Variants in ZXDC observed in about 807,000 individuals in gnomAD.
The protein encoded by ZXDC is zinc finger protein ZXDC.
Under a neutral mutation model 63.6 loss-of-function variants are expected in ZXDC, and 58 were observed. The observed-to-expected ratio is 0.91, with a 90% CI of 0.74 to 1.13. The LOEUF (loss-of-function observed/expected upper bound fraction) is 1.13, where lower values mean the gene tolerates loss of function less well. Ranked by LOEUF, ZXDC falls within the 50% of genes most tolerant of loss-of-function variation. The pLI, the probability that ZXDC is intolerant of heterozygous loss-of-function variation, is 0.00. For synonymous variants in ZXDC, 561 were observed against 496.1 expected, an observed-to-expected ratio of 1.13 and a Z score of -1.74; for missense variants, 1,133 against 1,148.9, an observed-to-expected ratio of 0.99 and a Z score of 0.20.
chr3:126,439,791 C>T, intron 8 of ZXDC, 64 bp from the exon 9 acceptor site: 2 of 1,500,794 alleles, frequency 1.3e-6, no homozygotes, highest in South Asian at 1.3e-5. Flanking sequence ...GTCCTCGTCT[C>T]ACCTGAGAAG....
chr3:126,466,251 G>A lies in ZXDC; in HGVS notation c.1345C>T (p.Pro449Ser). 1 of 1,614,244 alleles carries A rather than the reference G, an allele frequency of 6.2e-7. No homozygotes were observed. The highest frequency in any genetic ancestry group is 8.5e-7 in the Non-Finnish European group (1 of 1,180,050). ...GTAGAAACTGGGCAACGGCTTTTCG[G>A]AGCACCCACATCCTGCACGTGTTTC... ...SKKHVQDVGA[P>S]KSRCPVSTCN... Residue 449 changes from proline to serine, a missense_variant, in exon 5 of 10, where the codon CCG becomes TCG. Coordinates refer to ENST00000389709, the MANE Select transcript of ZXDC (RefSeq NM_025112.5).
At chr3:126,443,812 T>G (rs1194645273) in intron 7 of ZXDC, among the ~76,000 whole-genome samples, 2 of 152,212 alleles carry the variant, frequency 1.3e-5, no homozygotes, top group African/African-American at 4.8e-5. Context: ...TTTGAACTGT[T>G]ACAACTGCAA....
intron 3 of ZXDC, 48 bp from the exon 4 acceptor site, chr3:126,471,073 C>T: frequency 1.9e-6 from 3 of 1,592,890 alleles, no homozygotes; most frequent in Non-Finnish European, 1.7e-6. Flanking sequence ...CACAACTCAC[C>T]ATAATTCTTT....
rs1027630984 is a variant in ZXDC at position 126,439,640 on chromosome 3, C to A, written c.2482G>T (p.Val828Phe). The part of the protein sequence containing the change: ...PFLTVDLPVY[V>F]LQEVLPSSGG... ...CAGTAAGGCATCCAGACCTGGAGGA[C>A]GTAGACGGGCAGGTCCACAGTGAGG... The change falls in exon 9 of 10, where the codon GTC (valine) becomes TTC (phenylalanine). Residue 828 changes from valine (V) to phenylalanine (F), a missense_variant. Physicochemically the swap from Val to Phe is conservative, Grantham distance 50 (BLOSUM62 -1). Coordinates refer to ENST00000389709, the MANE Select transcript of ZXDC (RefSeq NM_025112.5). The A allele has an allele frequency of 3.9e-6, 6 of 1,553,216 alleles. No homozygotes were observed. The highest frequency in any genetic ancestry group is 5.2e-6 in the Non-Finnish European group (6 of 1,147,724).
chr3:126,454,070 T>TC (rs201416806), intron 7 of ZXDC: 16,696 of 831,588 alleles, frequency 0.02, 187 homozygotes, highest in South Asian at 0.028. Context: ...ATATATTTTT[T>TC]TTTTTGGTAA....
At chr3:126,473,788 G>A (rs572535503) in intron 1 of ZXDC, among the ~76,000 whole-genome samples, 1 of 152,144 alleles carries the variant, frequency 6.6e-6, no homozygotes, top group East Asian at 1.9e-4. Context: ...TACAGGTTAG[G>A]GGCATGCTAG....
chr3:126,438,612 G>C (rs934508599), intron 9 of ZXDC, 151 bp from the exon 10 acceptor site: 7 of 615,068 alleles, frequency 1.1e-5, no homozygotes, highest in Non-Finnish European at 1.9e-5. Context: ...CTAAACACAT[G>C]TTCTTTGATG....
chr3:126,453,942 G>C (rs1051250637), intron 7 of ZXDC: 42 of 982,986 alleles, frequency 4.3e-5, no homozygotes, highest in Non-Finnish European at 4.7e-5. Context: ...AACATATTAT[G>C]ATCAGAAAAC....
At position 126,459,644 on chromosome 3, in the gene ZXDC, C is replaced by T. The variant is rs777520124; in HGVS notation, c.2212+9G>A. 5.5e-5 allele frequency: 89 copies of T among 1,614,026 alleles called. No individual in the cohort carries two copies. In the East Asian group the frequency reaches 9.6e-4, roughly 17 times the overall value. On this transcript the variant is annotated intron_variant, in intron 7 of 9. Transcript: ENST00000389709. ...CTTGCTCGTCCGGCTGCAGCACACA[C>T]GGCCTCACCTGCATTGCTCCCCGCT...
intron 7 of ZXDC, among the ~76,000 whole-genome samples, chr3:126,455,509 C>T (rs1934271463): frequency 1.3e-5 from 2 of 152,174 alleles, no homozygotes; most frequent in South Asian, 4.2e-4. Flanking sequence ...GATTCCAGGG[C>T]AGGGACAGGG....
At chr3:126,457,708 A>C in intron 7 of ZXDC, 1 of 946,970 alleles carries the variant, frequency 1.1e-6, no homozygotes, top group South Asian at 4.9e-5. Context: ...TCCCAGCTAT[A>C]AGTAAGAAAG....
At chr3:126,459,323 A>G in intron 7 of ZXDC, 1 of 985,460 alleles carries the variant, frequency 1.0e-6, no homozygotes, top group South Asian at 4.7e-5. Flanking sequence ...AAGGCCATTC[A>G]GCACCAGGCA....
rs753952551 is a variant in ZXDC at position 126,441,854 on chromosome 3, G to A, written c.2305C>T (p.Leu769Phe). The A allele has an allele frequency of 1.2e-6, 2 of 1,613,890 alleles. No individual in the cohort carries two copies. Among genetic ancestry groups the A allele is most frequent in the Admixed American group, 3.3e-5 (2 of 59,992 alleles). Residue 769 changes from leucine to phenylalanine, a missense_variant, in exon 8 of 10, where the codon CTC becomes TTC. Transcript: ENST00000389709. ...GGCCGTCCTCCGCTGGGCACCACGA[G>A]GCTCCCACACAACCAACTGTTCTGG... is the stretch of plus-strand genomic sequence containing the variant. The part of the protein sequence containing the change: ...ASQNSWLCGS[L>F]VVPSGGRPGP...
At chr3:126,464,959 T>C (rs1934698099) in intron 5 of ZXDC, among the ~76,000 whole-genome samples, 1 of 152,146 alleles carries the variant, frequency 6.6e-6, no homozygotes, top group Admixed American at 6.5e-5. Flanking sequence ...CACTTCTAAA[T>C]AGGATCACAA....
In ZXDC at chr3:126,437,697, G is replaced by A. The variant is rs1933508879; in HGVS notation, c.*678C>T. 6.6e-6 allele frequency: 1 copy of A among 152,258 alleles called. No individual in the cohort carries two copies. The highest frequency in any genetic ancestry group is 1.5e-5 in the Non-Finnish European group (1 of 68,200). The allele number at this position is 152,258 out of a possible 1,614,324, so 9.4% of individuals were successfully genotyped here. A position where few individuals can be genotyped will look rare whatever the true frequency, so the allele number is the denominator to read the frequency against. The stretch of plus-strand genomic sequence containing the variant: ...CACTAATATCCAAATACAGAATTTA[G>A]AAAATTATTTTAAATTTTAACTCTA... On this transcript the variant is annotated 3_prime_UTR_variant, in exon 10 of 10. Coordinates refer to ENST00000389709, the MANE Select transcript of ZXDC (RefSeq NM_025112.5).
intron 1 of ZXDC, among the ~76,000 whole-genome samples, chr3:126,472,822 C>A (rs1018418655): frequency 2.0e-5 from 3 of 152,162 alleles, no homozygotes; most frequent in African/African-American, 7.2e-5. Context: ...TGTTTGGATT[C>A]TTTTTCCTTT....
intron 1 of ZXDC, among the ~76,000 whole-genome samples, chr3:126,472,699 G>T (rs1935028191): frequency 6.6e-6 from 1 of 152,160 alleles, no homozygotes; most frequent in Non-Finnish European, 1.5e-5. Context: ...TCTTTGAAAG[G>T]CTACAAATCA....
intron 1 of ZXDC, among the ~76,000 whole-genome samples, chr3:126,473,933 C>T (rs933628399): frequency 6.6e-6 from 1 of 152,150 alleles, no homozygotes; most frequent in South Asian, 2.1e-4. Flanking sequence ...CCTTTCTTGC[C>T]CTTCTGGAGG....
intron 6 of ZXDC, 69 bp from the exon 7 acceptor site, chr3:126,459,806 A>C (rs1934450949): frequency 6.2e-7 from 1 of 1,612,728 alleles, no homozygotes; most frequent in African/African-American, 1.3e-5. Flanking sequence ...GGAGCTACAG[A>C]AGTGCCATAA....
Sources: allele counts gnomAD v4.1 joint callset (sites outside exome capture counted in the v4.1 genomes callset), GRCh38; gene constraint gnomAD v4.1.1; transcripts MANE v1.5; gene names NCBI Gene and HGNC (gene_info 2026-07-23, HGNC 2026-07-21).